The following PPP1R13B variants were observed in gnomAD, a reference collection of about 807,000 sequenced individuals.
PPP1R13B encodes apoptosis-stimulating of p53 protein 1.
PPP1R13B carries 44 observed loss-of-function variants against 119.8 expected under a neutral mutation model. The observed-to-expected ratio is 0.37, with a 90% CI of 0.29 to 0.47. The LOEUF (loss-of-function observed/expected upper bound fraction) is 0.47. PPP1R13B is among the 20% of genes least tolerant of loss of function. The pLI is 0.99. For synonymous variants in PPP1R13B, 542 were observed against 561.5 expected, an observed-to-expected ratio of 0.97 and a Z score of 0.49; for missense variants, 1,227 against 1,413.5, an observed-to-expected ratio of 0.87 and a Z score of 2.12.
At position 103,738,170 on chromosome 14, in the gene PPP1R13B, T is replaced by G. The variant is rs2084160434; in HGVS notation, c.2865-310A>C. On this transcript the variant is annotated intron_variant, in intron 14 of 16. Coordinates refer to ENST00000202556, the MANE Select transcript of PPP1R13B (RefSeq NM_015316.3). This position sits in a 1 kb window ranked among gnomAD's most constrained non-coding sequence, Gnocchi z 5.6. ...ATTTAAAAATAGCTAAGATGTGAAA[T>G]TTTATGTTATGTGTATTTTACCACG... Among the ~76,000 whole-genome samples the G allele has an allele frequency of 1.3e-5, 2 of 152,194 alleles. No individual in the cohort carries two copies. The highest frequency in any genetic ancestry group is 6.5e-5 in the Admixed American group (1 of 15,282).
At chr14:103,816,479 G>C (rs1324638865) in intron 1 of PPP1R13B, among the ~76,000 whole-genome samples, 1 of 150,228 alleles carries the variant, frequency 6.7e-6, no homozygotes, top group African/African-American at 2.4e-5. Context: ...CTGAGGTCGG[G>C]AGTTCGAAAC....
At chr14:103,748,690 T>A (rs1199645311) in intron 8 of PPP1R13B, among the ~76,000 whole-genome samples, 1 of 152,088 alleles carries the variant, frequency 6.6e-6, no homozygotes, top group Non-Finnish European at 1.5e-5. Flanking sequence ...AGACACAGAG[T>A]GCAGGCGCCC....
chr14:103,744,014 C>T (rs184709130), intron 9 of PPP1R13B: 1 of 152,366 alleles, frequency 6.6e-6, no homozygotes, highest in African/African-American at 2.4e-5. Flanking sequence ...GCGAGGCATT[C>T]CAAGGCCCCT....
intron 8 of PPP1R13B, among the ~76,000 whole-genome samples, chr14:103,749,036 C>T (rs562444536): frequency 9.8e-5 from 15 of 152,310 alleles, no homozygotes; most frequent in African/African-American, 3.6e-4. Flanking sequence ...AGGACTTTCA[C>T]ATTTTCCCTT....
chr14:103,739,083 C>T (rs1409863597), intron 12 of PPP1R13B, 60 bp from the exon 13 acceptor site: 45 of 1,561,526 alleles, frequency 2.9e-5, no homozygotes, highest in Middle Eastern at 1.8e-4. Context: ...TAAGAACCCA[C>T]GCCTGCTGGG....
intron 4 of PPP1R13B, among the ~76,000 whole-genome samples, chr14:103,764,688 GT>G (rs200622661): frequency 2.7e-5 from 4 of 150,352 alleles, no homozygotes; most frequent in African/African-American, 9.8e-5. Context: ...TAATTTCAGG[GT>G]TTTTTTTTCA....
chr14:103,776,576 A>G (rs187173177), intron 4 of PPP1R13B, among the ~76,000 whole-genome samples: 3 of 152,300 alleles, frequency 2.0e-5, no homozygotes, highest in Non-Finnish European at 4.4e-5. Flanking sequence ...ACAGCCAGAA[A>G]AAGAAACTCA....
chr14:103,848,481 A>G (rs2087127374), upstream of PPP1R13B: 7 of 985,308 alleles, frequency 7.1e-6, no homozygotes, highest in South Asian at 2.3e-4. Flanking sequence ...GGGGCCCCCC[A>G]CATGGTGCCA....
At chr14:103,792,169 C>CGTGTGTGTGT (rs58782839) in intron 2 of PPP1R13B, among the ~76,000 whole-genome samples, 5,655 of 137,114 alleles carry the variant, frequency 0.041, 205 homozygotes, top group African/African-American at 0.092. Flanking sequence ...CTCTATTCAT[C>CGTGTGTGTGT]GTGTGTGTGT....
chr14:103,831,822 G>A (rs2086670125), intron 1 of PPP1R13B, among the ~76,000 whole-genome samples: 1 of 152,018 alleles, frequency 6.6e-6, no homozygotes, highest in Non-Finnish European at 1.5e-5. Flanking sequence ...TGTAGTCCCA[G>A]CTATTTGGGA....
rs765402238 is a variant in PPP1R13B, at chr14:103,784,790, T to C, written c.277+5A>G. On this transcript the variant is annotated splice_donor_5th_base_variant and intron_variant, in intron 3 of 16. Transcript: ENST00000202556. ...TAACAAATGAGGAAGAAAGCAGTTA[T>C]CTACCTTGTTCACTGTTCTCAGTTG... The C allele has an allele frequency of 1.9e-6, 3 of 1,578,554 alleles. No homozygotes were observed. The highest frequency in any genetic ancestry group is 2.3e-5 in the East Asian group (1 of 44,134).
chr14:103,762,686 G>T, intron 4 of PPP1R13B: 1 of 554,510 alleles, frequency 1.8e-6, no homozygotes, highest in Non-Finnish European at 3.3e-6. Context: ...CGGGAACCAA[G>T]AGCAAGAGAA....
intron 1 of PPP1R13B, among the ~76,000 whole-genome samples, chr14:103,834,463 A>G (rs2152080102): frequency 6.6e-6 from 1 of 151,836 alleles, no homozygotes; most frequent in South Asian, 2.1e-4. Flanking sequence ...CGAGGTAGAG[A>G]CCCCAAGAAG....
At chr14:103,798,993 T>TGTTTG (rs2085828583) in intron 1 of PPP1R13B, among the ~76,000 whole-genome samples, 1 of 149,994 alleles carries the variant, frequency 6.7e-6, no homozygotes, top group Non-Finnish European at 1.5e-5. Context: ...CCTGGTGTTT[T>TGTTTG]TTTGTTTGTT....
chr14:103,800,909 G>A (rs1264533543), intron 1 of PPP1R13B, among the ~76,000 whole-genome samples: 1 of 151,898 alleles, frequency 6.6e-6, no homozygotes, highest in African/African-American at 2.4e-5. Flanking sequence ...GGAATGCAAT[G>A]GCATGAACTC....
chr14:103,738,792 G>A lies in PPP1R13B; in HGVS notation c.2751C>T (p.Pro917=), dbSNP rs757195900. Residue 917 remains proline, a synonymous_variant, in exon 14 of 17, where the codon CCC becomes CCT. Transcript: ENST00000202556. This position sits in a 1 kb window ranked among gnomAD's most constrained non-coding sequence, Gnocchi z 5.6. The stretch of plus-strand genomic sequence containing the variant: ...GCAGTGGGGTGATCCCTTCGTCGTT[G>A]GGCTTGCTGGGATCTTCCACCTAGG... The part of the protein sequence containing the change: ...IIYEVEDPSK[P]NDEGITPLHN... 1.4e-5 allele frequency: 22 copies of A among 1,614,058 alleles called. No individual in the cohort carries two copies. Among genetic ancestry groups the A allele is most frequent in the African/African-American group, 2.7e-5 (2 of 74,914 alleles).
Position 103,847,454 on chromosome 14 carries a change from G to T in PPP1R13B, c.-147C>A, listed in dbSNP as rs969737058. Reference sequence around the variant, plus strand: ...CGCGGCGAGGCGGCAGCTGCGGCGGGCTGCGGGGCTCTCGCTGGCCCTGTC... The same window carrying T: ...CGCGGCGAGGCGGCAGCTGCGGCGGTCTGCGGGGCTCTCGCTGGCCCTGTC... On this transcript the variant is annotated 5_prime_UTR_variant, in exon 1 of 17. Transcript: ENST00000202556. 4.8e-4 allele frequency: 476 copies of T among 999,390 alleles called. No homozygotes were observed. Among genetic ancestry groups the T allele is most frequent in the Non-Finnish European group, 5.4e-4 (454 of 840,550 alleles). 61.9% of individuals were successfully genotyped at this position (999,390 alleles called of 1,614,324 possible). A position where few individuals can be genotyped will look rare whatever the true frequency, so the allele number is the denominator to read the frequency against.
At position 103,805,115 on chromosome 14, in the gene PPP1R13B, G is replaced by A. The variant is rs542721308; in HGVS notation, c.10-7597C>T. 2.0e-5 allele frequency among the ~76,000 whole-genome samples: 3 copies of A among 152,244 alleles called. No individual in the cohort carries two copies. The South Asian group carries it at 6.2e-4, about 32-fold the overall frequency. On this transcript the variant is annotated intron_variant, in intron 1 of 16. Coordinates refer to ENST00000202556, the MANE Select transcript of PPP1R13B (RefSeq NM_015316.3). ...GCCTCTCAAAGTGCTGGGATTACAG[G>A]CGTGAGCCACTATGCCCGGCCTAAA...
At chr14:103,797,145 C>A (rs774070707) in intron 2 of PPP1R13B, 8 of 390,200 alleles carry the variant, frequency 2.1e-5, no homozygotes, top group Non-Finnish European at 3.1e-5. Context: ...AAAACTCAGT[C>A]CTGTGCAATA....
Sources: allele counts gnomAD v4.1 joint callset (sites outside exome capture counted in the v4.1 genomes callset), GRCh38; gene constraint gnomAD v4.1.1; non-coding constraint Gnocchi (gnomAD v3.1); transcripts MANE v1.5; gene names NCBI Gene and HGNC (gene_info 2026-07-23, HGNC 2026-07-21).